SLCO2A1: variants seen among roughly 807,000 people sequenced by gnomAD.
The protein encoded by SLCO2A1 is matrin F/G 1.
SLCO2A1 carries 60 observed loss-of-function variants against 71.7 expected under a neutral mutation model. That is an observed-to-expected ratio of 0.84 (90% CI 0.68 to 1.04). The LOEUF (loss-of-function observed/expected upper bound fraction) is 1.04. Ranked by LOEUF, SLCO2A1 falls within the 50% of genes least tolerant of loss-of-function variation. SLCO2A1 has a pLI of 0.00. For synonymous variants in SLCO2A1, 308 were observed against 326.7 expected (o/e 0.94, Z 0.62); for missense variants, 745 against 813.4 (o/e 0.92, Z 1.02).
intron 3 of SLCO2A1, among the ~76,000 whole-genome samples, chr3:133,962,486 G>T (rs773992654): frequency 1.6e-4 from 24 of 152,166 alleles, no homozygotes; most frequent in Non-Finnish European, 3.5e-4. Context: ...AGTTCAAGGG[G>T]CAGGAAGAAG....
intron 1 of SLCO2A1, among the ~76,000 whole-genome samples, chr3:133,983,864 C>T (rs1225749124): frequency 6.6e-6 from 1 of 152,104 alleles, no homozygotes; most frequent in Non-Finnish European, 1.5e-5. Flanking sequence ...TCTGGAGAGG[C>T]ACCAAATTAG....
At chr3:134,016,080 T>G (rs1436540898) in intron 1 of SLCO2A1, among the ~76,000 whole-genome samples, 1 of 152,166 alleles carries the variant, frequency 6.6e-6, no homozygotes, top group Non-Finnish European at 1.5e-5. Context: ...TGAGAAAACT[T>G]TTAGAATGAA....
intron 1 of SLCO2A1, among the ~76,000 whole-genome samples, chr3:134,027,942 C>T (rs2108082981): frequency 6.6e-6 from 1 of 152,322 alleles, no homozygotes; most frequent in East Asian, 1.9e-4. Context: ...CTAACAGAAT[C>T]TCATTTTTAG....
intron 1 of SLCO2A1, among the ~76,000 whole-genome samples, chr3:133,993,256 A>G (rs116131958): frequency 0.023 from 3,498 of 152,184 alleles, 128 homozygotes; most frequent in African/African-American, 0.076. Flanking sequence ...GTTCCCGTGC[A>G]CTCCAGTTCC....
In SLCO2A1 at chr3:133,960,051, C is replaced by T. The variant is rs184148563; in HGVS notation, c.398-4858G>A. On this transcript the variant is annotated intron_variant, in intron 3 of 13. Coordinates refer to ENST00000310926, the MANE Select transcript of SLCO2A1 (RefSeq NM_005630.3). ...AGGAGAATGGCGTGAACCCAGGAAG[C>T]GGAGCTTGCAGTGAGCCAAGATGGC... Among the ~76,000 whole-genome samples, 1,487 of 152,150 alleles carry T rather than the reference C, an allele frequency of 9.8e-3. 18 individuals are homozygous for T. Among genetic ancestry groups the T allele is most frequent in the African/African-American group, 0.034 (1,399 of 41,466 alleles).
rs1055113456 is a variant in SLCO2A1 at position 133,998,988 on chromosome 3, A to C, written c.97-19370T>G. 3.9e-5 allele frequency among the ~76,000 whole-genome samples: 6 copies of C among 152,130 alleles called. No homozygotes were observed. In the South Asian group the frequency reaches 6.2e-4, roughly 16 times the overall value. On this transcript the variant is annotated intron_variant, in intron 1 of 13. Coordinates refer to ENST00000310926, the MANE Select transcript of SLCO2A1 (RefSeq NM_005630.3). ...CGTATTCTAACTCTCTGCCTAGAGCACTCTCTTGCCCCCTCTCTGGCCTTC... is the reference window on the plus strand; with the variant it reads ...CGTATTCTAACTCTCTGCCTAGAGCCCTCTCTTGCCCCCTCTCTGGCCTTC...
chr3:134,023,826 A>T (rs1935645080), intron 1 of SLCO2A1, among the ~76,000 whole-genome samples: 2 of 152,116 alleles, frequency 1.3e-5, no homozygotes, highest in Admixed American at 1.3e-4. Context: ...TCCCCTTTCC[A>T]CTAAGGTGGT....
intron 1 of SLCO2A1, among the ~76,000 whole-genome samples, chr3:133,986,593 C>T (rs1934719410): frequency 6.6e-6 from 1 of 152,202 alleles, no homozygotes. Flanking sequence ...TCCTAACAAA[C>T]ATATAAAGAG....
rs1357737304 is a variant in SLCO2A1, at chr3:133,953,892, G to T, written c.626-131C>A. ...CCAAGCCTGATAAGCCCACACCTGT[G>T]GCATCTCCCACCAGCAAGGCCAGAA... is the stretch of plus-strand genomic sequence containing the variant. On this transcript the variant is annotated intron_variant, in intron 4 of 13. Coordinates refer to ENST00000310926, the MANE Select transcript of SLCO2A1 (RefSeq NM_005630.3). 4 of 689,198 alleles carry T rather than the reference G, an allele frequency of 5.8e-6. No individual in the cohort carries two copies. The Admixed American group carries it at 8.8e-5, about 15-fold the overall frequency. 42.7% of individuals were successfully genotyped at this position (689,198 alleles called of 1,614,324 possible). A position where few individuals can be genotyped will look rare whatever the true frequency, so the allele number is the denominator to read the frequency against.
rs1317616536 is a variant in SLCO2A1, at chr3:133,933,941, A to C, written c.*772T>G. 1 of 152,192 alleles carries C rather than the reference A, an allele frequency of 6.6e-6. No homozygotes were observed. Among genetic ancestry groups the C allele is most frequent in the African/African-American group, 2.4e-5 (1 of 41,410 alleles). 9.4% of individuals were successfully genotyped at this position (152,192 alleles called of 1,614,324 possible). A position where few individuals can be genotyped will look rare whatever the true frequency, so the allele number is the denominator to read the frequency against. On this transcript the variant is annotated 3_prime_UTR_variant, in exon 14 of 14. Coordinates refer to ENST00000310926, the MANE Select transcript of SLCO2A1 (RefSeq NM_005630.3). Reference sequence around the variant, plus strand: ...GTCTTCACTGTGTTGTAGCTTCCTCAGTTTGAAACGTACCCCAGAAAGACA... The same window carrying C: ...GTCTTCACTGTGTTGTAGCTTCCTCCGTTTGAAACGTACCCCAGAAAGACA...
intron 6 of SLCO2A1, among the ~76,000 whole-genome samples, chr3:133,949,973 A>C (rs1295516303): frequency 6.6e-6 from 1 of 151,778 alleles, no homozygotes. Context: ...GACTACATGC[A>C]CTCAACACCA....
intron 3 of SLCO2A1, among the ~76,000 whole-genome samples, chr3:133,972,651 C>T (rs78011306): frequency 0.018 from 2,714 of 152,070 alleles, 47 homozygotes; most frequent in Non-Finnish European, 0.029. Context: ...AAACAGGATA[C>T]CTAAGAAGGT....
chr3:133,951,884 A>C (rs1330591712), intron 5 of SLCO2A1, among the ~76,000 whole-genome samples: 2 of 152,158 alleles, frequency 1.3e-5, no homozygotes, highest in African/African-American at 4.8e-5. Flanking sequence ...CTGCCTCCCA[A>C]CTTTATGGAT....
chr3:134,000,789 C>G (rs2108069506), intron 1 of SLCO2A1, among the ~76,000 whole-genome samples: 1 of 152,288 alleles, frequency 6.6e-6, no homozygotes, highest in South Asian at 2.1e-4. Flanking sequence ...TGTTGGAGCT[C>G]CCTGAGCCAG....
chr3:134,018,951 C>G (rs889767957), intron 1 of SLCO2A1, among the ~76,000 whole-genome samples: 1 of 152,210 alleles, frequency 6.6e-6, no homozygotes, highest in Non-Finnish European at 1.5e-5. Flanking sequence ...AAAGCTGCCA[C>G]ATTCTGGAGA....
chr3:133,990,953 T>C (rs1357542006), intron 1 of SLCO2A1, among the ~76,000 whole-genome samples: 3 of 151,676 alleles, frequency 2.0e-5, no homozygotes, highest in African/African-American at 7.3e-5. Flanking sequence ...CTACTAAAAA[T>C]ACAAAAATTA....
intron 1 of SLCO2A1, among the ~76,000 whole-genome samples, chr3:133,981,157 C>T (rs759767739): frequency 2.6e-5 from 4 of 152,332 alleles, no homozygotes; most frequent in Non-Finnish European, 4.4e-5. Flanking sequence ...ATGCTAGTCA[C>T]CTGACGCTTG....
chr3:133,990,142 C>T (rs1253524385), intron 1 of SLCO2A1, among the ~76,000 whole-genome samples: 2 of 152,264 alleles, frequency 1.3e-5, no homozygotes, highest in African/African-American at 4.8e-5. Context: ...GCGGGCTCCC[C>T]GCTACTGCAG....
At chr3:133,997,044 G>A (rs983225435) in intron 1 of SLCO2A1, among the ~76,000 whole-genome samples, 13 of 152,076 alleles carry the variant, frequency 8.5e-5, no homozygotes, top group African/African-American at 2.9e-4. Flanking sequence ...TCACATAACC[G>A]ACTGTCTTGG....
Sources: gnomAD v4.1 joint callset for allele counts (sites outside exome capture counted in the v4.1 genomes callset) on GRCh38, gnomAD v4.1.1 for gene constraint, MANE v1.5 for transcripts, NCBI Gene and HGNC (gene_info 2026-07-23, HGNC 2026-07-21) for gene names.